Variants in AGMO observed in about 807,000 individuals in gnomAD.
AGMO encodes alkylglycerol monooxygenase.
In AGMO, 75 loss-of-function variants were observed where a neutral mutation model predicts 60.2. The observed-to-expected ratio is 1.25, with a 90% CI of 1.03 to 1.51. The LOEUF (loss-of-function observed/expected upper bound fraction) is 1.51. Ranked by LOEUF, AGMO falls within the 40% of genes most tolerant of loss-of-function variation. AGMO has a pLI of 0.00. For missense variants in AGMO, 763 were observed against 525.5 expected (o/e 1.45, Z -4.42); for synonymous variants, 261 against 177.1 (o/e 1.47, Z -3.76).
the AGMO span, among the ~76,000 whole-genome samples, chr7:15,156,818 A>C: frequency 3.9e-5 from 6 of 152,136 alleles, no homozygotes; most frequent in Non-Finnish European, 2.9e-5. Context: ...AGTCTCTCTC[A>C]GTGGAAAAAG....
At chr7:15,389,996 T>C (rs905467441) in intron 8 of AGMO, among the ~76,000 whole-genome samples, 1 of 152,178 alleles carries the variant, frequency 6.6e-6, no homozygotes, top group Non-Finnish European at 1.5e-5. Context: ...AGAGCTGTCA[T>C]TGACCCACCT....
At chr7:15,356,176 T>A (rs1782523116) in intron 12 of AGMO, among the ~76,000 whole-genome samples, 1 of 152,180 alleles carries the variant, frequency 6.6e-6, no homozygotes, top group South Asian at 2.1e-4. Context: ...GCACATTTGC[T>A]ACAATCCAGC....
At chr7:15,464,612 T>A (rs1401374144) in intron 3 of AGMO, among the ~76,000 whole-genome samples, 2 of 152,256 alleles carry the variant, frequency 1.3e-5, no homozygotes, top group East Asian at 3.9e-4. Flanking sequence ...CGTCTTCTAA[T>A]ATGAAAACTT....
chr7:15,368,747 C>T (rs1208142762), intron 10 of AGMO, among the ~76,000 whole-genome samples: 1 of 152,110 alleles, frequency 6.6e-6, no homozygotes, highest in African/African-American at 2.4e-5. Context: ...CTAATTAGCT[C>T]TTCCAGATGT....
chr7:15,148,909 G>A, the AGMO span, among the ~76,000 whole-genome samples: 1 of 152,050 alleles, frequency 6.6e-6, no homozygotes, highest in Non-Finnish European at 1.5e-5. Context: ...TCCACGGTGG[G>A]TAAAATTATT....
intron 2 of AGMO, among the ~76,000 whole-genome samples, chr7:15,555,080 AT>A (rs1387461397): frequency 6.6e-6 from 1 of 151,844 alleles, no homozygotes; most frequent in African/African-American, 2.4e-5. Context: ...GCCAATTTAT[AT>A]TATTCCACAA....
intron 3 of AGMO, among the ~76,000 whole-genome samples, chr7:15,462,201 TC>T (rs1782160844): frequency 6.6e-6 from 1 of 152,092 alleles, no homozygotes; most frequent in Non-Finnish European, 1.5e-5. Context: ...CTGCAGTTAT[TC>T]CCCGGTACCC....
intron 2 of AGMO, among the ~76,000 whole-genome samples, chr7:15,549,040 C>T (rs1049416648): frequency 6.6e-6 from 1 of 150,546 alleles, no homozygotes; most frequent in African/African-American, 2.5e-5. Context: ...GAATTTTCAA[C>T]CCAGAATTTC....
intron 12 of AGMO, among the ~76,000 whole-genome samples, chr7:15,287,993 A>C (rs910454806): frequency 3.3e-5 from 5 of 152,128 alleles, no homozygotes; most frequent in African/African-American, 9.7e-5. Context: ...ACTTTCTAAA[A>C]ATGATAATGA....
chr7:15,446,225 C>T (rs1370524728), intron 3 of AGMO, among the ~76,000 whole-genome samples: 2 of 152,138 alleles, frequency 1.3e-5, no homozygotes, highest in Admixed American at 6.5e-5. Context: ...TGAATTTGGG[C>T]AGCCACAAAT....
the AGMO span, among the ~76,000 whole-genome samples, chr7:15,165,037 A>G: frequency 6.6e-6 from 1 of 152,170 alleles, no homozygotes; most frequent in African/African-American, 2.4e-5. Flanking sequence ...CGCATACACT[A>G]TGGAATACTA....
At chr7:15,336,336 C>G (rs1422020932) in intron 12 of AGMO, among the ~76,000 whole-genome samples, 1 of 151,808 alleles carries the variant, frequency 6.6e-6, no homozygotes, top group Non-Finnish European at 1.5e-5. Flanking sequence ...ATCAAAGCAG[C>G]TGTACTATTT....
At chr7:15,356,231 C>T (rs1782524729) in intron 12 of AGMO, among the ~76,000 whole-genome samples, 1 of 152,040 alleles carries the variant, frequency 6.6e-6, no homozygotes, top group East Asian at 1.9e-4. Context: ...TACATACATG[C>T]AATGTGCACT....
intron 12 of AGMO, among the ~76,000 whole-genome samples, chr7:15,325,227 A>G (rs1583410238): frequency 6.6e-6 from 1 of 152,258 alleles, no homozygotes; most frequent in East Asian, 1.9e-4. Flanking sequence ...ATTAACTTGC[A>G]TTATATATCT....
the AGMO span, among the ~76,000 whole-genome samples, chr7:15,192,975 T>C: frequency 6.6e-6 from 1 of 152,360 alleles, no homozygotes; most frequent in Middle Eastern, 3.4e-3. Flanking sequence ...TAATATATAC[T>C]CTAATCAGTT....
chr7:15,537,672 T>C (rs1402791934), intron 3 of AGMO, among the ~76,000 whole-genome samples: 3 of 152,136 alleles, frequency 2.0e-5, no homozygotes, highest in Non-Finnish European at 4.4e-5. Flanking sequence ...TGTTTATGAC[T>C]TCCCTGTTTA....
chr7:15,367,969 G>A (rs1783050085), intron 10 of AGMO, among the ~76,000 whole-genome samples: 1 of 152,038 alleles, frequency 6.6e-6, no homozygotes, highest in African/African-American at 2.4e-5. Context: ...TTGCTCACAT[G>A]CAGTACTGTA....
chr7:15,552,043 A>AATCAGATAGTTGTC (rs1291191688), intron 2 of AGMO, among the ~76,000 whole-genome samples: 1 of 152,120 alleles, frequency 6.6e-6, no homozygotes, highest in Non-Finnish European at 1.5e-5. Flanking sequence ...GATCTTTGAC[A>AATCAGATAGTTGTC]AACCTGAGAA....
intron 3 of AGMO, among the ~76,000 whole-genome samples, chr7:15,455,538 C>T (rs950197590): frequency 3.3e-5 from 5 of 152,140 alleles, no homozygotes; most frequent in Middle Eastern, 3.4e-3. Context: ...TACAAGATGC[C>T]GCTTTATTCT....
Sources: allele counts gnomAD v4.1 joint callset (sites outside exome capture counted in the v4.1 genomes callset), GRCh38; gene constraint gnomAD v4.1.1; transcripts MANE v1.5; gene names NCBI Gene and HGNC (gene_info 2026-07-23, HGNC 2026-07-21).